Variants in COPB1 observed in about 807,000 individuals in gnomAD.
The protein encoded by COPB1 is coat protein complex I subunit beta 1.
Under a neutral mutation model 108.7 loss-of-function variants are expected in COPB1, and 21 were observed. The observed-to-expected ratio is 0.19, with a 90% CI of 0.14 to 0.28. The LOEUF is 0.28. Ranked by LOEUF, COPB1 falls within the 10% of genes least tolerant of loss-of-function variation. The pLI is 1.00. For missense variants in COPB1, 919 were observed against 1,141.3 expected, an observed-to-expected ratio of 0.81 and a Z score of 2.81; for synonymous variants, 378 against 386.8, an observed-to-expected ratio of 0.98 and a Z score of 0.27.
At chr11:14,495,384 A>G (rs752114838) in intron 2 of COPB1, among the ~76,000 whole-genome samples, 1 of 152,238 alleles carries the variant, frequency 6.6e-6, no homozygotes, top group African/African-American at 2.4e-5. Flanking sequence ...ACTAATGGGT[A>G]GTAGTTACCG....
chr11:14,490,428 A>G, intron 5 of COPB1, 137 bp downstream of exon 5: 1 of 501,404 alleles, frequency 2.0e-6, no homozygotes, highest in Non-Finnish European at 3.5e-6. Flanking sequence ...TTTTTCTACA[A>G]GCTTAAAAAT....
chr11:14,493,953 C>G, intron 3 of COPB1, 142 bp from the exon 4 acceptor site: 1 of 807,886 alleles, frequency 1.2e-6, no homozygotes, highest in Non-Finnish European at 1.9e-6. Flanking sequence ...TTCTTGTTGA[C>G]TGAAGCAATT....
chr11:14,486,496 A>G lies in COPB1; in HGVS notation c.708T>C (p.His236=), dbSNP rs761802096. The G allele has an allele frequency of 3.1e-6, 5 of 1,613,672 alleles. No individual in the cohort carries two copies. The highest frequency in any genetic ancestry group is 2.2e-5 in the East Asian group (1 of 44,882). The change falls in exon 7 of 22, where the codon CAT becomes CAC. Residue 236 remains histidine, a synonymous_variant. Coordinates refer to ENST00000439561, the MANE Select transcript of COPB1 (RefSeq NM_001144061.2). ...VIVELIYKVC[H]ANPSERARFI... ...AACGAGCTCTTTCTGATGGATTAGCATGACAGACCTGGAGAAGAAAACATT... is the reference window on the plus strand; with the variant it reads ...AACGAGCTCTTTCTGATGGATTAGCGTGACAGACCTGGAGAAGAAAACATT...
intron 16 of COPB1, among the ~76,000 whole-genome samples, chr11:14,468,053 C>T (rs1325131377): frequency 6.6e-6 from 1 of 151,668 alleles, no homozygotes; most frequent in Non-Finnish European, 1.5e-5. Flanking sequence ...GCAACTTTAA[C>T]TATAATTCAA....
intron 6 of COPB1, 55 bp from the exon 7 acceptor site, chr11:14,486,559 TG>T: frequency 6.3e-7 from 1 of 1,596,066 alleles, no homozygotes; most frequent in Non-Finnish European, 8.5e-7. Flanking sequence ...TGTTTTCAAA[TG>T]GAGTTTTTTC....
rs760548076 is a variant in COPB1 at position 14,458,685 on chromosome 11, G to C, written c.2649C>G (p.Ala883=). ...TNMKCLTPEK[A]LSGYCGFMAA... ...CCATAAAGCCACAGTAACCAGAAAG[G>C]GCCTGGAAAAAATTTGTGATAAATT... The change falls in exon 21 of 22, where the codon GCC becomes GCG. Residue 883 remains alanine, a splice_region_variant and synonymous_variant. Coordinates refer to ENST00000439561, the MANE Select transcript of COPB1 (RefSeq NM_001144061.2). 3.1e-6 allele frequency: 5 copies of C among 1,606,964 alleles called. No individual in the cohort carries two copies. Among genetic ancestry groups the C allele is most frequent in the Non-Finnish European group, 4.2e-6 (5 of 1,177,720 alleles).
intron 11 of COPB1, chr11:14,479,055 A>G (rs1850597922): frequency 6.6e-6 from 1 of 151,272 alleles, no homozygotes; most frequent in Admixed American, 6.6e-5. Flanking sequence ...AAATATTAAT[A>G]TATTTTCATA....
intron 11 of COPB1, among the ~76,000 whole-genome samples, chr11:14,478,216 G>A (rs1850572061): frequency 6.6e-6 from 1 of 151,878 alleles, no homozygotes; most frequent in Non-Finnish European, 1.5e-5. Context: ...ATGTTTCCCA[G>A]TAAAGTGTCC....
chr11:14,479,840 G>T, intron 10 of COPB1, 126 bp from the exon 11 acceptor site: 1 of 921,526 alleles, frequency 1.1e-6, no homozygotes, highest in Non-Finnish European at 1.6e-6. Context: ...GTCTTGCTTT[G>T]CTGCCCAGGC....
At position 14,486,348 on chromosome 11, in the gene COPB1, C is replaced by G; in HGVS notation, c.837+19G>C. On this transcript the variant is annotated intron_variant, in intron 7 of 21. Coordinates refer to ENST00000439561, the MANE Select transcript of COPB1 (RefSeq NM_001144061.2). ...GAAAATCTATCATCTAATCTGGCCC[C>G]AAAAGAAATACACAGTACCTTGATT... 6.2e-7 allele frequency: 1 copy of G among 1,613,086 alleles called. No individual in the cohort carries two copies. The highest frequency in any genetic ancestry group is 1.3e-5 in the African/African-American group (1 of 74,994).
At position 14,494,263 on chromosome 11, in the gene COPB1, G is replaced by T. The variant is rs1200613692; in HGVS notation, c.268C>A (p.Pro90Thr). ...ATCTCATGTAAAAGTCTCCCATCTG[G>T]AGTTGTTTTAGGAACAATTTCCCAA... ...VFWEIVPKTT[P>T]DGRLLHEMIL... The change falls in exon 3 of 22, where the codon CCA (proline) becomes ACA (threonine). Residue 90 changes from proline (P) to threonine (T), a missense_variant. By Grantham distance (38) the Pro-to-Thr change is conservative. This residue lies in a region of COPB1 where 92 missense variants were observed against 108.4 expected (regional missense o/e 0.85). Coordinates refer to ENST00000439561, the MANE Select transcript of COPB1 (RefSeq NM_001144061.2). 4 of 1,613,564 alleles carry T rather than the reference G, an allele frequency of 2.5e-6. No individual in the cohort carries two copies. Among genetic ancestry groups the T allele is most frequent in the Non-Finnish European group, 3.4e-6 (4 of 1,179,764 alleles).
chr11:14,474,093 G>A (rs780541131), intron 14 of COPB1: 2 of 156,532 alleles, frequency 1.3e-5, no homozygotes, highest in Non-Finnish European at 2.8e-5. Flanking sequence ...TACAAAGCAG[G>A]CATGAACTAC....
At chr11:14,490,436 A>C in intron 5 of COPB1, 129 bp downstream of exon 5, 1 of 514,898 alleles carries the variant, frequency 1.9e-6, no homozygotes, top group African/African-American at 2.0e-5. Context: ...CAAGCTTAAA[A>C]ATTTCAAAAT....
At chr11:14,476,175 G>T (rs948252543) in intron 12 of COPB1, among the ~76,000 whole-genome samples, 3 of 152,114 alleles carry the variant, frequency 2.0e-5, no homozygotes, top group Admixed American at 2.0e-4. Flanking sequence ...TACTACTTTG[G>T]ACCTCAGTTT....
chr11:14,493,919 A>G, intron 3 of COPB1, 108 bp from the exon 4 acceptor site: 7 of 998,222 alleles, frequency 7.0e-6, no homozygotes, highest in Non-Finnish European at 9.9e-6. Flanking sequence ...GAAAAAACCT[A>G]GATTACCGAC....
intron 14 of COPB1, among the ~76,000 whole-genome samples, chr11:14,470,935 C>CACAA (rs1850386758): frequency 7.5e-6 from 1 of 132,882 alleles, no homozygotes; most frequent in Non-Finnish European, 1.5e-5. Context: ...CACACACACA[C>CACAA]ACACACACAC....
intron 14 of COPB1, among the ~76,000 whole-genome samples, chr11:14,472,039 G>A (rs572707830): frequency 8.5e-5 from 13 of 152,136 alleles, no homozygotes; most frequent in South Asian, 2.1e-4. Flanking sequence ...AACATAATAC[G>A]AAAGCTGAAG....
At chr11:14,488,643 G>T in intron 5 of COPB1, 59 bp from the exon 6 acceptor site, 1 of 1,109,240 alleles carries the variant, frequency 9.0e-7, no homozygotes, top group Non-Finnish European at 1.3e-6. Context: ...AGGACTTAAT[G>T]CATCTTAAAA....
chr11:14,491,922 C>T (rs1244545101), intron 4 of COPB1, among the ~76,000 whole-genome samples: 1 of 152,120 alleles, frequency 6.6e-6, no homozygotes, highest in African/African-American at 2.4e-5. Flanking sequence ...TACTGACTTG[C>T]CTCTTCTTTT....
Sources: gnomAD v4.1 joint callset for allele counts (sites outside exome capture counted in the v4.1 genomes callset) on GRCh38, gnomAD v4.1.1 for gene constraint, gnomAD v4.1.1 regional missense constraint, MANE v1.5 for transcripts, NCBI Gene and HGNC (gene_info 2026-07-23, HGNC 2026-07-21) for gene names.